The following MEDAG variants were observed in gnomAD, a reference collection of about 807,000 sequenced individuals.
MEDAG encodes the protein mesenteric estrogen-dependent adipogenesis protein.
MEDAG carries 25 observed loss-of-function variants against 29.9 expected under a neutral mutation model. The observed-to-expected ratio is 0.84, with a 90% CI of 0.61 to 1.17. The LOEUF is 1.17. MEDAG is among the 50% of genes most tolerant of loss of function. MEDAG has a pLI of 0.00. For missense variants in MEDAG, 398 were observed against 372.9 expected (o/e 1.07, Z -0.56); for synonymous variants, 158 against 148.2 (o/e 1.07, Z -0.48).
intron 3 of MEDAG, 50 bp downstream of exon 3, chr13:30,921,176 T>C (rs1426807787): frequency 1.3e-6 from 2 of 1,488,576 alleles, no homozygotes; most frequent in Non-Finnish European, 1.9e-6. Context: ...TGGAAGGAGC[T>C]TGTGCATTTC....
At chr13:30,917,566 T>G (rs1353653348) in intron 2 of MEDAG, 54 bp downstream of exon 2, 2 of 977,680 alleles carry the variant, frequency 2.0e-6, no homozygotes, top group African/African-American at 3.3e-5. Flanking sequence ...TACCTAAAAC[T>G]GGGTAATTTA....
At chr13:30,917,735 A>G (rs1289050603) in intron 2 of MEDAG, among the ~76,000 whole-genome samples, 1 of 152,092 alleles carries the variant, frequency 6.6e-6, no homozygotes, top group Non-Finnish European at 1.5e-5. Context: ...GGGCGGTGCT[A>G]CACACTCTTA....
intron 3 of MEDAG, 34 bp from the exon 4 acceptor site, chr13:30,921,527 C>T (rs1409802251): frequency 1.3e-6 from 2 of 1,559,950 alleles, no homozygotes; most frequent in East Asian, 4.5e-5. Context: ...TACTTATGTC[C>T]ATTAAGTCAA....
At chr13:30,913,521 C>A (rs1001707784) in intron 1 of MEDAG, among the ~76,000 whole-genome samples, 5 of 152,098 alleles carry the variant, frequency 3.3e-5, no homozygotes, top group African/African-American at 1.2e-4. Context: ...ATGTGAGCCA[C>A]CACGCCCGGC....
At chr13:30,916,568 G>A (rs756128318) in intron 1 of MEDAG, 1 of 152,270 alleles carries the variant, frequency 6.6e-6, no homozygotes. Context: ...TCAGCCTGCT[G>A]GGGGCCATTC....
chr13:30,921,731 G>C lies in MEDAG; in HGVS notation c.672G>C (p.Leu224Phe). Residue 224 changes from leucine (L) to phenylalanine (F), a missense_variant, in exon 4 of 5, where the codon TTG becomes TTC. Coordinates refer to ENST00000380482, the MANE Select transcript of MEDAG (RefSeq NM_032849.4). ...VVKVNGKVLNLSSTSPEKKET... is the reference protein window; with the variant it reads ...VVKVNGKVLNFSSTSPEKKET... ...AAGTAAATGGAAAAGTTCTGAATTTGTCAAGTACAAGTCCAGAAAAGAAGG... is the reference window on the plus strand; with the variant it reads ...AAGTAAATGGAAAAGTTCTGAATTTCTCAAGTACAAGTCCAGAAAAGAAGG... The C allele has an allele frequency of 6.2e-7, 1 of 1,614,080 alleles. No individual in the cohort carries two copies.
chr13:30,914,012 A>G (rs1289476600), intron 1 of MEDAG, among the ~76,000 whole-genome samples: 1 of 151,284 alleles, frequency 6.6e-6, no homozygotes, highest in African/African-American at 2.5e-5. Context: ...AGTGCACTAC[A>G]GCCTGGGTGA....
intron 1 of MEDAG, among the ~76,000 whole-genome samples, chr13:30,907,856 A>G (rs931997538): frequency 6.6e-6 from 1 of 152,200 alleles, no homozygotes; most frequent in Non-Finnish European, 1.5e-5. Context: ...TGCAGTCTTC[A>G]AAACTCTTGG....
intron 1 of MEDAG, among the ~76,000 whole-genome samples, chr13:30,909,729 T>C (rs1046548086): frequency 4.6e-5 from 7 of 152,188 alleles, no homozygotes; most frequent in African/African-American, 1.7e-4. Flanking sequence ...AATTAGAATT[T>C]CTTTCTGGGA....
intron 2 of MEDAG, among the ~76,000 whole-genome samples, chr13:30,919,230 T>C (rs927019532): frequency 1.3e-5 from 2 of 152,224 alleles, no homozygotes; most frequent in African/African-American, 4.8e-5. Flanking sequence ...CTTAAGATGG[T>C]CAATTTTAAA....
intron 1 of MEDAG, chr13:30,916,437 G>A (rs1331635984): frequency 6.6e-6 from 1 of 152,286 alleles, no homozygotes; most frequent in South Asian, 2.1e-4. Flanking sequence ...ACATGCTGTG[G>A]TGTAGCAAAA....
At chr13:30,916,727 G>C (rs551308041) in intron 1 of MEDAG, 8 of 152,424 alleles carry the variant, frequency 5.2e-5, no homozygotes, top group African/African-American at 1.7e-4. Context: ...GAAGGGCAGG[G>C]AAGAAAGCTA....
chr13:30,915,316 G>A (rs533249926), intron 1 of MEDAG, among the ~76,000 whole-genome samples: 1 of 152,148 alleles, frequency 6.6e-6, no homozygotes, highest in Admixed American at 6.5e-5. Flanking sequence ...TATGATATTT[G>A]TGCTGGGTGT....
chr13:30,914,648 C>T (rs1209769632), intron 1 of MEDAG, among the ~76,000 whole-genome samples: 1 of 152,188 alleles, frequency 6.6e-6, no homozygotes, highest in African/African-American at 2.4e-5. Flanking sequence ...ATGCCAAATA[C>T]CTGCTCTTTG....
chr13:30,915,784 A>G (rs1051491704), intron 1 of MEDAG, among the ~76,000 whole-genome samples: 3 of 151,790 alleles, frequency 2.0e-5, no homozygotes, highest in Admixed American at 2.0e-4. Context: ...GCATTCTCTT[A>G]CCTGGCCATC....
intron 1 of MEDAG, among the ~76,000 whole-genome samples, chr13:30,913,969 G>C (rs953474563): frequency 2.7e-4 from 41 of 152,340 alleles, no homozygotes; most frequent in African/African-American, 8.7e-4. Flanking sequence ...TTGAACATGG[G>C]AGACGGAGGT....
At chr13:30,917,922 G>T (rs1218421853) in intron 2 of MEDAG, among the ~76,000 whole-genome samples, 1 of 152,136 alleles carries the variant, frequency 6.6e-6, no homozygotes, top group Non-Finnish European at 1.5e-5. Context: ...AATAGTTTTG[G>T]TTTGGTCCTT....
intron 1 of MEDAG, among the ~76,000 whole-genome samples, chr13:30,915,842 T>C (rs1388803337): frequency 6.6e-6 from 1 of 151,924 alleles, no homozygotes; most frequent in Non-Finnish European, 1.5e-5. Context: ...CCCTCCTCCA[T>C]TCCCATCGTC....
At position 30,921,683 on chromosome 13, in the gene MEDAG, T is replaced by C. The variant is rs1247039206; in HGVS notation, c.624T>C (p.Phe208=). The change falls in exon 4 of 5, where the codon TTT becomes TTC. Residue 208 remains phenylalanine, a synonymous_variant. Transcript: ENST00000380482. Reference sequence around the variant, plus strand: ...CATTATTTGATTTCTTCTATTGGTTTGGGCTCAGTAATTCCGTTGTAAAAG... The same window carrying C: ...CATTATTTGATTTCTTCTATTGGTTCGGGCTCAGTAATTCCGTTGTAAAAG... ...ADALFDFFYW[F]GLSNSVVKVN... 1.7e-5 allele frequency: 28 copies of C among 1,614,130 alleles called. No individual in the cohort carries two copies. Among genetic ancestry groups the C allele is most frequent in the Non-Finnish European group, 2.4e-5 (28 of 1,180,000 alleles).
Sources: gnomAD v4.1 joint callset for allele counts (sites outside exome capture counted in the v4.1 genomes callset) on GRCh38, gnomAD v4.1.1 for gene constraint, MANE v1.5 for transcripts, NCBI Gene and HGNC (gene_info 2026-07-23, HGNC 2026-07-21) for gene names.